The following RBFOX3 variants were observed in gnomAD, a reference collection of about 807,000 sequenced individuals.
RBFOX3 encodes the protein RNA binding protein fox-1 homolog 3.
Under a neutral mutation model 48.7 loss-of-function variants are expected in RBFOX3, and 17 were observed. The observed-to-expected ratio is 0.35, with a 90% CI of 0.24 to 0.52. RBFOX3 has a LOEUF of 0.52. RBFOX3 is among the 20% of genes least tolerant of loss of function. The pLI, the probability that RBFOX3 is intolerant of heterozygous loss-of-function variation, is 0.94. For synonymous variants in RBFOX3, 212 were observed against 209.5 expected (o/e 1.01, Z -0.10); for missense variants, 382 against 497.5 (o/e 0.77, Z 2.21).
At chr17:79,395,444 C>T (rs936724678) in intron 2 of RBFOX3, among the ~76,000 whole-genome samples, 7 of 152,230 alleles carry the variant, frequency 4.6e-5, no homozygotes, top group African/African-American at 7.2e-5. Context: ...GAGCCACACA[C>T]GGCTCCATTT....
At chr17:79,606,486 T>G (rs2093833235) in intron 1 of RBFOX3, among the ~76,000 whole-genome samples, 1 of 152,308 alleles carries the variant, frequency 6.6e-6, no homozygotes, top group South Asian at 2.1e-4. Flanking sequence ...AAAATGCAAC[T>G]GATAGACTGA....
chr17:79,215,267 A>C (rs2058884831), intron 4 of RBFOX3, among the ~76,000 whole-genome samples: 1 of 151,576 alleles, frequency 6.6e-6, no homozygotes, highest in Non-Finnish European at 1.5e-5. Context: ...AGCAACGCTG[A>C]GGCTGTAGGG....
At chr17:79,197,583 C>T (rs957055390) in intron 4 of RBFOX3, among the ~76,000 whole-genome samples, 20 of 151,476 alleles carry the variant, frequency 1.3e-4, no homozygotes, top group African/African-American at 2.7e-4. Context: ...TTAGTAGAGA[C>T]GGGGCCTCAC....
intron 2 of RBFOX3, among the ~76,000 whole-genome samples, chr17:79,403,996 T>A (rs1476570336): frequency 1.3e-5 from 2 of 152,098 alleles, no homozygotes; most frequent in Admixed American, 1.3e-4. Flanking sequence ...ACCAGGATGG[T>A]CTTGATCTCC....
chr17:79,605,183 C>A (rs1191247036), intron 1 of RBFOX3, among the ~76,000 whole-genome samples: 2 of 152,066 alleles, frequency 1.3e-5, no homozygotes, highest in Non-Finnish European at 2.9e-5. Context: ...GTCCGGGTTA[C>A]CTTTGTTTGT....
At chr17:79,255,469 C>G (rs1268327836) in intron 3 of RBFOX3, among the ~76,000 whole-genome samples, 1 of 152,144 alleles carries the variant, frequency 6.6e-6, no homozygotes. Flanking sequence ...GGCCCCCCAT[C>G]TGTGCTCAGG....
At chr17:79,403,048 CT>C (rs1004979245) in intron 2 of RBFOX3, among the ~76,000 whole-genome samples, 3 of 152,184 alleles carry the variant, frequency 2.0e-5, no homozygotes, top group African/African-American at 7.2e-5. Context: ...ACACTAACCC[CT>C]GGACCTTTTC....
At chr17:79,238,780 T>C (rs2061952388) in intron 3 of RBFOX3, among the ~76,000 whole-genome samples, 2 of 152,322 alleles carry the variant, frequency 1.3e-5, no homozygotes, top group Admixed American at 1.3e-4. Context: ...CTGCACTGTG[T>C]GAACCCGGGG....
chr17:79,377,162 C>T (rs1004622293), intron 2 of RBFOX3, among the ~76,000 whole-genome samples: 1 of 152,192 alleles, frequency 6.6e-6, no homozygotes, highest in Admixed American at 6.5e-5. Context: ...CACTGCCCAG[C>T]TGGTCTTGCA....
intron 1 of RBFOX3, among the ~76,000 whole-genome samples, chr17:79,524,110 G>A (rs1416681450): frequency 6.6e-6 from 1 of 152,152 alleles, no homozygotes; most frequent in Non-Finnish European, 1.5e-5. Context: ...TATGATTGAG[G>A]ACCTTTGAGT....
At chr17:79,412,009 G>C (rs1750579464) in intron 2 of RBFOX3, among the ~76,000 whole-genome samples, 1 of 152,158 alleles carries the variant, frequency 6.6e-6, no homozygotes, top group Non-Finnish European at 1.5e-5. Context: ...TGTGCAGCAT[G>C]TATGCACATG....
At chr17:79,210,308 G>A (rs1043562073) in intron 4 of RBFOX3, among the ~76,000 whole-genome samples, 19 of 152,314 alleles carry the variant, frequency 1.2e-4, no homozygotes, top group Non-Finnish European at 1.9e-4. Context: ...TAATGCCACC[G>A]TCTTCATTTC....
rs191406863 is a variant in RBFOX3 at position 79,410,945 on chromosome 17, C to T, written c.-175+71509G>A. On this transcript the variant is annotated intron_variant, in intron 2 of 14. Transcript: ENST00000693108. ...CGAGCTGGCACCTGCTCACACCCCT[C>T]CCACTCTCTGCACCACACGGCTGGG... Among the ~76,000 whole-genome samples, 674 of 152,322 alleles carry T rather than the reference C, an allele frequency of 4.4e-3. 7 individuals are homozygous for T. Among genetic ancestry groups the T allele is most frequent in the Non-Finnish European group, 4.2e-3 (286 of 68,030 alleles).
chr17:79,141,691 C>T (rs1037627395), intron 4 of RBFOX3, among the ~76,000 whole-genome samples: 1 of 152,126 alleles, frequency 6.6e-6, no homozygotes, highest in African/African-American at 2.4e-5. Flanking sequence ...AAGTCCTTCA[C>T]CTCCCTGGGG....
At chr17:79,422,288 C>T (rs2066551622) in intron 2 of RBFOX3, among the ~76,000 whole-genome samples, 1 of 152,058 alleles carries the variant, frequency 6.6e-6, no homozygotes, top group Non-Finnish European at 1.5e-5. Flanking sequence ...CCTGGTAAAT[C>T]ATCCTATGGC....
At chr17:79,567,359 T>C (rs2092502715) in intron 1 of RBFOX3, among the ~76,000 whole-genome samples, 1 of 151,812 alleles carries the variant, frequency 6.6e-6, no homozygotes, top group African/African-American at 2.4e-5. Context: ...AATTTTTGTA[T>C]TTTTTGGTAG....
chr17:79,375,358 G>GACACACACACACACACACAC (rs534923135), intron 2 of RBFOX3, among the ~76,000 whole-genome samples: 1 of 136,186 alleles, frequency 7.3e-6, no homozygotes, highest in Non-Finnish European at 1.6e-5. Flanking sequence ...GAAGACAGAA[G>GACACACACACACACACACAC]ACACACACAC....
intron 2 of RBFOX3, among the ~76,000 whole-genome samples, chr17:79,332,690 G>A (rs201580382): frequency 0.05 from 6,113 of 121,270 alleles, 37 homozygotes; most frequent in East Asian, 0.093. Context: ...AAAGAGAGAC[G>A]GAGACAGAGA....
intron 2 of RBFOX3, among the ~76,000 whole-genome samples, chr17:79,429,942 C>T (rs147372923): frequency 4.6e-5 from 7 of 152,070 alleles, no homozygotes; most frequent in Admixed American, 1.3e-4. Flanking sequence ...TTGACCTCTG[C>T]GAATCCAGAA....
Sources: allele counts gnomAD v4.1 joint callset (sites outside exome capture counted in the v4.1 genomes callset), GRCh38; gene constraint gnomAD v4.1.1; transcripts MANE v1.5; gene names NCBI Gene and HGNC (gene_info 2026-07-23, HGNC 2026-07-21).